GPC5: variants seen among roughly 807,000 people sequenced by gnomAD.
GPC5 encodes the protein glypican 5.
Under a neutral mutation model 53.9 loss-of-function variants are expected in GPC5, and 47 were observed. The observed-to-expected ratio is 0.87, with a 90% CI of 0.69 to 1.11. The LOEUF is 1.11. Among genes scored for constraint, GPC5 ranks in the 50% most tolerant of loss-of-function variants. The pLI, the probability that GPC5 is intolerant of heterozygous loss-of-function variation, is 0.00. For missense variants in GPC5, 748 were observed against 713.1 expected (o/e 1.05, Z -0.56); for synonymous variants, 286 against 263.3 (o/e 1.09, Z -0.84).
At chr13:92,522,182 A>T (rs777850430) in intron 7 of GPC5, among the ~76,000 whole-genome samples, 1 of 152,204 alleles carries the variant, frequency 6.6e-6, no homozygotes, top group Non-Finnish European at 1.5e-5. Flanking sequence ...ACTGTAAACT[A>T]GTTCAACCAT....
chr13:92,474,635 TA>T (rs538436558), intron 7 of GPC5, among the ~76,000 whole-genome samples: 5,313 of 143,312 alleles, frequency 0.037, 243 homozygotes, highest in African/African-American at 0.11. Flanking sequence ...TTGTGATGGT[TA>T]AAAAAAAAAA....
chr13:91,827,794 GT>G (rs1348781186), intron 5 of GPC5, among the ~76,000 whole-genome samples: 51 of 152,094 alleles, frequency 3.4e-4, no homozygotes, highest in Non-Finnish European at 2.1e-4. Flanking sequence ...CTTTCTTATA[GT>G]TATACACACC....
At chr13:92,269,744 G>A (rs533096036) in intron 7 of GPC5, among the ~76,000 whole-genome samples, 2 of 152,142 alleles carry the variant, frequency 1.3e-5, no homozygotes, top group Admixed American at 6.5e-5. Context: ...CCCCATTACA[G>A]CCTCTGAGTC....
At chr13:92,531,490 G>A (rs867816862) in intron 7 of GPC5, among the ~76,000 whole-genome samples, 11 of 150,272 alleles carry the variant, frequency 7.3e-5, no homozygotes, top group Middle Eastern at 3.5e-3. Context: ...CATATAAAGA[G>A]ATATATGTTT....
At chr13:92,755,413 A>G (rs1471755647) in intron 7 of GPC5, among the ~76,000 whole-genome samples, 1 of 149,554 alleles carries the variant, frequency 6.7e-6, no homozygotes, top group East Asian at 2.0e-4. Flanking sequence ...CATCACAATT[A>G]AAAGAACTAG....
intron 7 of GPC5, among the ~76,000 whole-genome samples, chr13:92,225,470 C>T (rs1341584691): frequency 6.6e-6 from 1 of 152,078 alleles, no homozygotes; most frequent in Non-Finnish European, 1.5e-5. Context: ...ACCTCAGGAG[C>T]TATACAAAAA....
At chr13:92,196,995 C>A (rs1246353395) in intron 7 of GPC5, among the ~76,000 whole-genome samples, 1 of 152,138 alleles carries the variant, frequency 6.6e-6, no homozygotes, top group Non-Finnish European at 1.5e-5. Flanking sequence ...ACACTGGAAA[C>A]AATATGAATC....
chr13:92,530,440 AAG>A (rs1206061532), intron 7 of GPC5, among the ~76,000 whole-genome samples: 2 of 152,142 alleles, frequency 1.3e-5, no homozygotes, highest in Non-Finnish European at 2.9e-5. Context: ...GGCAAGAAAA[AAG>A]AGAAAACATG....
At chr13:92,624,164 T>G (rs1884971835) in intron 7 of GPC5, among the ~76,000 whole-genome samples, 1 of 151,738 alleles carries the variant, frequency 6.6e-6, no homozygotes, top group East Asian at 1.9e-4. Flanking sequence ...AACCTCCGCA[T>G]GTTCAAGCGA....
intron 5 of GPC5, among the ~76,000 whole-genome samples, chr13:91,858,398 C>T (rs1181081824): frequency 6.6e-6 from 1 of 151,802 alleles, no homozygotes; most frequent in Non-Finnish European, 1.5e-5. Context: ...TTATCAAATG[C>T]TTTTTTAGCA....
chr13:92,533,080 A>T (rs991537683), intron 7 of GPC5, among the ~76,000 whole-genome samples: 7 of 152,178 alleles, frequency 4.6e-5, no homozygotes, highest in African/African-American at 1.7e-4. Flanking sequence ...CAGTTTTAAA[A>T]AGTTGGTTCA....
intron 2 of GPC5, among the ~76,000 whole-genome samples, chr13:91,490,936 C>T (rs1883910594): frequency 6.6e-6 from 1 of 151,770 alleles, no homozygotes; most frequent in South Asian, 2.1e-4. Context: ...TTTTTTTCCA[C>T]ATTTGTCTAC....
chr13:91,433,056 A>G (rs1029828177), intron 1 of GPC5, among the ~76,000 whole-genome samples: 6 of 152,120 alleles, frequency 3.9e-5, no homozygotes, highest in African/African-American at 1.4e-4. Flanking sequence ...ATCCTATTGG[A>G]GCTCATAGTC....
intron 2 of GPC5, among the ~76,000 whole-genome samples, chr13:91,572,033 A>ATGCATACATGCATATACG (rs1566516647): frequency 8.8e-6 from 1 of 114,194 alleles, no homozygotes; most frequent in African/African-American, 4.2e-5. Context: ...GTGTGTATAT[A>ATGCATACATGCATATACG]TGTGTATATA....
rs1881074712 is a variant in GPC5, at chr13:91,450,012, C to T, written c.325+1090C>T. On this transcript the variant is annotated intron_variant, in intron 2 of 7. Transcript: ENST00000377067. ...CTATTTGAATAATTTGCTTGGTGTA[C>T]ATATATAAGTAAATCACAGAGCTCT... 2.0e-5 allele frequency among the ~76,000 whole-genome samples: 3 copies of T among 151,920 alleles called. No homozygotes were observed. The South Asian group carries it at 6.2e-4, about 32-fold the overall frequency.
intron 6 of GPC5, among the ~76,000 whole-genome samples, chr13:91,929,442 T>A (rs1226076052): frequency 6.6e-6 from 1 of 152,146 alleles, no homozygotes; most frequent in Non-Finnish European, 1.5e-5. Context: ...GATCCACTAA[T>A]TCGTTGTTTT....
At chr13:91,677,277 C>G (rs1340383373) in intron 2 of GPC5, among the ~76,000 whole-genome samples, 1 of 152,132 alleles carries the variant, frequency 6.6e-6, no homozygotes, top group Non-Finnish European at 1.5e-5. Flanking sequence ...CTAAATGATA[C>G]TTGGTACTTT....
At chr13:92,519,479 C>T (rs1008947505) in intron 7 of GPC5, among the ~76,000 whole-genome samples, 2 of 152,204 alleles carry the variant, frequency 1.3e-5, no homozygotes, top group African/African-American at 2.4e-5. Context: ...GAAACTCACT[C>T]AAAACCGCTC....
At chr13:92,765,100 G>C (rs1406260011) in intron 7 of GPC5, among the ~76,000 whole-genome samples, 1 of 152,150 alleles carries the variant, frequency 6.6e-6, no homozygotes, top group Non-Finnish European at 1.5e-5. Context: ...GACTTTATGA[G>C]AATGAGATAC....
Sources: gnomAD v4.1 joint callset for allele counts (sites outside exome capture counted in the v4.1 genomes callset) on GRCh38, gnomAD v4.1.1 for gene constraint, MANE v1.5 for transcripts, NCBI Gene and HGNC (gene_info 2026-07-23, HGNC 2026-07-21) for gene names.